MAP3K20: variants seen among roughly 807,000 people sequenced by gnomAD.
MAP3K20 encodes the protein mitogen-activated protein kinase kinase kinase 20, also known as HCCS-4.
MAP3K20 carries 40 observed loss-of-function variants against 85.7 expected under a neutral mutation model. That is an observed-to-expected ratio of 0.47 (90% confidence interval 0.36 to 0.61). MAP3K20 has a LOEUF of 0.61. Ranked by LOEUF, MAP3K20 falls within the 20% of genes least tolerant of loss-of-function variation. MAP3K20 has a pLI of 0.00. For missense variants in MAP3K20, 817 were observed against 961.7 expected, an observed-to-expected ratio of 0.85 and a Z score of 1.99; for synonymous variants, 325 against 327.7, an observed-to-expected ratio of 0.99 and a Z score of 0.09.
At chr2:173,243,179 A>G (rs559634574) in intron 16 of MAP3K20, among the ~76,000 whole-genome samples, 8 of 152,310 alleles carry the variant, frequency 5.3e-5, no homozygotes, top group African/African-American at 1.4e-4. Flanking sequence ...GCTATGGTAC[A>G]TACAGAATGA....
At chr2:173,093,024 G>A (rs1260029003) in intron 2 of MAP3K20, among the ~76,000 whole-genome samples, 1 of 152,138 alleles carries the variant, frequency 6.6e-6, no homozygotes, top group African/African-American at 2.4e-5. Flanking sequence ...TTTTGCTTTG[G>A]GGCTTAGTCA....
Position 173,232,189 on chromosome 2 carries a change from C to T in MAP3K20, c.1033-3C>T. 5.0e-6 allele frequency: 8 copies of T among 1,614,198 alleles called. No individual in the cohort carries two copies. Among genetic ancestry groups the T allele is most frequent in the Non-Finnish European group, 6.8e-6 (8 of 1,180,032 alleles). On this transcript the variant is annotated splice_region_variant and splice_polypyrimidine_tract_variant and intron_variant, in intron 12 of 19. Coordinates refer to ENST00000375213, the MANE Select transcript of MAP3K20 (RefSeq NM_016653.3). ...AAAACCGTATGTGTCCTCTCTTTCA[C>T]AGTATTGTTGGGTTCAGCAGCTCGT...
chr2:173,144,695 C>T (rs1689087896), intron 2 of MAP3K20, among the ~76,000 whole-genome samples: 1 of 151,916 alleles, frequency 6.6e-6, no homozygotes, highest in South Asian at 2.1e-4. Context: ...AAGACCCTAT[C>T]TCAAACAAAA....
At chr2:173,249,479 G>A (rs1056126311) in intron 16 of MAP3K20, among the ~76,000 whole-genome samples, 15 of 152,192 alleles carry the variant, frequency 9.9e-5, no homozygotes, top group African/African-American at 3.4e-4. Context: ...CTACTAACTA[G>A]GTTAGTGTTT....
chr2:173,100,360 G>T (rs1421796744), intron 2 of MAP3K20, among the ~76,000 whole-genome samples: 1 of 152,200 alleles, frequency 6.6e-6, no homozygotes, highest in Admixed American at 6.5e-5. Context: ...AAGTTAAGCA[G>T]CCTGCCTAAT....
intron 1 of MAP3K20, among the ~76,000 whole-genome samples, chr2:173,077,654 A>C (rs144770704): frequency 1.9e-4 from 29 of 152,340 alleles, no homozygotes; most frequent in African/African-American, 6.5e-4. Flanking sequence ...TAAATAAAAA[A>C]ATTTAGTGAT....
At chr2:173,103,110 C>T (rs530517544) in intron 2 of MAP3K20, among the ~76,000 whole-genome samples, 3 of 152,136 alleles carry the variant, frequency 2.0e-5, no homozygotes, top group South Asian at 2.1e-4. Context: ...ATTTTAATCA[C>T]TTGGTGGCTA....
At chr2:173,236,263 G>A (rs1684644693) in intron 14 of MAP3K20, among the ~76,000 whole-genome samples, 1 of 70,764 alleles carries the variant, frequency 1.4e-5, no homozygotes, top group Admixed American at 2.5e-4. Flanking sequence ...GTGAGACCCT[G>A]TCTAAAAAAA....
intron 10 of MAP3K20, among the ~76,000 whole-genome samples, chr2:173,213,599 TGAG>T (rs1202586469): frequency 6.6e-6 from 1 of 152,202 alleles, no homozygotes; most frequent in African/African-American, 2.4e-5. Flanking sequence ...AAAGGTAAAT[TGAG>T]TAACTTGCTC....
At chr2:173,163,419 C>G (rs1045872536) in intron 2 of MAP3K20, among the ~76,000 whole-genome samples, 1 of 152,172 alleles carries the variant, frequency 6.6e-6, no homozygotes, top group Admixed American at 6.5e-5. Context: ...AGGATAATGG[C>G]CTCCAGCTCC....
intron 2 of MAP3K20, among the ~76,000 whole-genome samples, chr2:173,094,934 T>C (rs1687415942): frequency 6.6e-6 from 1 of 152,248 alleles, no homozygotes; most frequent in Non-Finnish European, 1.5e-5. Flanking sequence ...TCAGCAAACA[T>C]TTACTAATGT....
chr2:173,234,280 A>C (rs1269075526), intron 14 of MAP3K20, among the ~76,000 whole-genome samples: 1 of 152,146 alleles, frequency 6.6e-6, no homozygotes, highest in Non-Finnish European at 1.5e-5. Context: ...GGCCCTGGAT[A>C]ACCTAAGTAC....
At chr2:173,151,124 A>G (rs1460386215) in intron 2 of MAP3K20, among the ~76,000 whole-genome samples, 1 of 152,086 alleles carries the variant, frequency 6.6e-6, no homozygotes, top group Non-Finnish European at 1.5e-5. Flanking sequence ...CCACAGAACC[A>G]CTCACTTGTT....
chr2:173,118,787 T>G (rs1200565437), intron 2 of MAP3K20, among the ~76,000 whole-genome samples: 1 of 152,170 alleles, frequency 6.6e-6, no homozygotes, highest in African/African-American at 2.4e-5. Flanking sequence ...TGAACTTGAT[T>G]TATAACTGTC....
chr2:173,263,694 T>C (rs1685347438), intron 18 of MAP3K20, 51 bp from the exon 19 acceptor site: 1 of 1,556,378 alleles, frequency 6.4e-7, no homozygotes, highest in Non-Finnish European at 8.7e-7. Flanking sequence ...TATTTGGTCA[T>C]ATGTTTCTAT....
chr2:173,103,606 A>C (rs1687697788), intron 2 of MAP3K20, among the ~76,000 whole-genome samples: 1 of 152,190 alleles, frequency 6.6e-6, no homozygotes, highest in African/African-American at 2.4e-5. Flanking sequence ...AATAGAAAAA[A>C]ATTAACATTT....
Position 173,266,460 on chromosome 2 carries a change from CCTT to C in MAP3K20, c.2115_2117del (p.Ser706del). 6.2e-7 allele frequency: 1 copy of C among 1,614,148 alleles called. No homozygotes were observed. Among genetic ancestry groups the C allele is most frequent in the Non-Finnish European group, 8.5e-7 (1 of 1,180,020 alleles). ...CAGTGGAAAGAGTCAGCATTCCACT[CCTT>C]CAAGAGGAAGATACCCTGGAAAGTT... On this transcript the variant is annotated inframe_deletion, in exon 20 of 20. Transcript: ENST00000375213.
chr2:173,242,916 A>G (rs1323655106), intron 16 of MAP3K20, among the ~76,000 whole-genome samples: 1 of 152,008 alleles, frequency 6.6e-6, no homozygotes, highest in Non-Finnish European at 1.5e-5. Flanking sequence ...CATGTTGGTC[A>G]GGCTGGTCTC....
At chr2:173,182,779 CAATG>C in intron 3 of MAP3K20, 71 bp from the exon 4 acceptor site, 1 of 1,015,112 alleles carries the variant, frequency 9.9e-7, no homozygotes. Flanking sequence ...TGTATTTTCT[CAATG>C]AAAATATAAA....
Sources: gnomAD v4.1 joint callset for allele counts (sites outside exome capture counted in the v4.1 genomes callset) on GRCh38, gnomAD v4.1.1 for gene constraint, MANE v1.5 for transcripts, NCBI Gene and HGNC (gene_info 2026-07-23, HGNC 2026-07-21) for gene names.